C5: variants seen among roughly 807,000 people sequenced by gnomAD.
The protein encoded by C5 is complement C5.
Under a neutral mutation model 218.8 loss-of-function variants are expected in C5, and 140 were observed. The observed-to-expected ratio is 0.64, with a 90% CI of 0.56 to 0.74. C5 has a LOEUF of 0.74. Ranked by LOEUF, C5 falls within the 30% of genes least tolerant of loss-of-function variation. The probability of loss-of-function intolerance (pLI) is 0.00; values close to 1 mark genes in which losing one functional copy is unlikely to be tolerated. For missense variants in C5, 1,700 were observed against 1,969.6 expected (o/e 0.86, Z 2.59); for synonymous variants, 614 against 682.3 (o/e 0.90, Z 1.56).
At chr9:120,984,590 A>G (rs374108037) in intron 25 of C5, among the ~76,000 whole-genome samples, 1 of 152,192 alleles carries the variant, frequency 6.6e-6, no homozygotes, top group East Asian at 1.9e-4. Flanking sequence ...TCTTTGAAAA[A>G]AGGCAATGGC....
At chr9:120,967,953 G>A (rs1483166366) in intron 33 of C5, among the ~76,000 whole-genome samples, 2 of 151,978 alleles carry the variant, frequency 1.3e-5, no homozygotes, top group Non-Finnish European at 2.9e-5. Context: ...GAACTCCTGG[G>A]CTCAAGCAAT....
Position 120,963,748 on chromosome 9 carries a change from A to G in C5, c.4221-10T>C, listed in dbSNP as rs2046845704. 1 of 1,588,186 alleles carries G rather than the reference A, an allele frequency of 6.3e-7. No homozygotes were observed. The highest frequency in any genetic ancestry group is 1.7e-5 in the Admixed American group (1 of 59,920). Reference sequence around the variant, plus strand: ...CCTGCTGGGCTTGTAGCTAAAATAAAAAAGAGGTTAGAAAATATAATAAAT... The same window carrying G: ...CCTGCTGGGCTTGTAGCTAAAATAAGAAAGAGGTTAGAAAATATAATAAAT... On this transcript the variant is annotated splice_polypyrimidine_tract_variant and intron_variant, in intron 33 of 40. Coordinates refer to ENST00000223642, the MANE Select transcript of C5 (RefSeq NM_001735.3).
Position 120,961,546 on chromosome 9 carries a change from A to G in C5, c.4524T>C (p.Phe1508=), listed in dbSNP as rs1361402451. ...YHRPDKQCTM[F]YSTSNIKIQK... is the part of the protein sequence containing the mutation. Reference sequence around the variant, plus strand: ...GAATTTTGATATTGGAAGTGCTATAAAACATGGTACACTGTTTATCTGTGG... The same window carrying G: ...GAATTTTGATATTGGAAGTGCTATAGAACATGGTACACTGTTTATCTGTGG... Residue 1508 remains phenylalanine (F), a synonymous_variant, in exon 37 of 41, where the codon TTT becomes TTC. Coordinates refer to ENST00000223642, the MANE Select transcript of C5 (RefSeq NM_001735.3). 1.2e-6 allele frequency: 2 copies of G among 1,611,820 alleles called. No homozygotes were observed. The highest frequency in any genetic ancestry group is 1.7e-5 in the Admixed American group (1 of 59,982).
At position 120,982,645 on chromosome 9, in the gene C5, GT is replaced by G. The variant is rs758978309; in HGVS notation, c.3390+9del. On this transcript the variant is annotated intron_variant, in intron 26 of 40. Coordinates refer to ENST00000223642, the MANE Select transcript of C5 (RefSeq NM_001735.3). ...AAACTATTGCTAATTTGTGCATTTG[GT>G]TTCCTTACCTGTAATTTTATTGGTT... 2.5e-6 allele frequency: 4 copies of G among 1,591,452 alleles called. No individual in the cohort carries two copies. The highest frequency in any genetic ancestry group is 3.4e-6 in the Non-Finnish European group (4 of 1,160,414).
intron 14 of C5, among the ~76,000 whole-genome samples, chr9:121,017,015 T>C (rs2047312888): frequency 2.0e-5 from 3 of 152,116 alleles, no homozygotes; most frequent in Admixed American, 1.3e-4. Flanking sequence ...TTAAAAAAAA[T>C]CCAAATGTTA....
the C5 span, among the ~76,000 whole-genome samples, chr9:121,068,543 GA>G: frequency 2.0e-5 from 3 of 152,118 alleles, no homozygotes; most frequent in Admixed American, 1.3e-4. Context: ...TTATTAAAAT[GA>G]CCATACTACT....
intron 20 of C5, among the ~76,000 whole-genome samples, chr9:121,004,641 C>T (rs1041944511): frequency 2.0e-5 from 3 of 151,938 alleles, no homozygotes; most frequent in Admixed American, 6.6e-5. Flanking sequence ...AGCATGGTGG[C>T]GTGTACCTGT....
intron 1 of C5, among the ~76,000 whole-genome samples, chr9:121,049,081 C>G (rs1275466015): frequency 1.3e-5 from 2 of 152,146 alleles, no homozygotes; most frequent in Non-Finnish European, 2.9e-5. Context: ...ATCTGCAGTG[C>G]CTATCATATG....
At position 121,023,457 on chromosome 9, in the gene C5, T is replaced by C. The variant is rs776255436; in HGVS notation, c.1063A>G (p.Asn355Asp). The change falls in exon 10 of 41, where the codon AAT becomes GAT. Residue 355 changes from asparagine (N) to aspartate (D), a missense_variant. Transcript: ENST00000223642. ...IKYVLSPYKL[N>D]LVATPLFLKP... ...AGGAAAAGAGGAGTAGCAACCAAATTCAGTTTGTAGGGAGAGAGGACATAT... is the reference window on the plus strand; with the variant it reads ...AGGAAAAGAGGAGTAGCAACCAAATCCAGTTTGTAGGGAGAGAGGACATAT... 32 of 1,613,916 alleles carry C rather than the reference T, an allele frequency of 2.0e-5. No homozygotes were observed. The highest frequency in any genetic ancestry group is 2.5e-5 in the Non-Finnish European group (30 of 1,179,932).
chr9:121,073,426 G>A, the C5 span, among the ~76,000 whole-genome samples: 12,213 of 150,922 alleles, frequency 0.081, 550 homozygotes, highest in Non-Finnish European at 0.11. Flanking sequence ...AAATATCTAA[G>A]ACATATTGAG....
intron 1 of C5, among the ~76,000 whole-genome samples, chr9:121,047,550 C>T (rs1196596452): frequency 1.3e-5 from 2 of 152,148 alleles, no homozygotes; most frequent in Admixed American, 6.6e-5. Context: ...TCGACTAATT[C>T]AAGTGGCCCA....
chr9:121,032,041 C>G (rs2047479603), intron 6 of C5, 72 bp downstream of exon 6: 4 of 880,790 alleles, frequency 4.5e-6, no homozygotes, highest in African/African-American at 3.3e-5. Flanking sequence ...CCAGCCTGGG[C>G]AACAGAGCGA....
intron 30 of C5, 138 bp downstream of exon 30, chr9:120,974,641 G>A (rs2046938713): frequency 1.2e-6 from 1 of 809,948 alleles, no homozygotes; most frequent in African/African-American, 1.7e-5. Context: ...GATATAGCAG[G>A]CATCCCTGTT....
At chr9:121,048,606 G>A (rs772709727) in intron 1 of C5, among the ~76,000 whole-genome samples, 3 of 152,164 alleles carry the variant, frequency 2.0e-5, no homozygotes, top group African/African-American at 7.2e-5. Flanking sequence ...GATGGTAGCC[G>A]TCAAGCAAAA....
In C5 at chr9:121,030,622, A is replaced by G. The variant is rs1483552526; in HGVS notation, c.668-135T>C. ...CAACATCCACTTTATTATCATAATCATCATCGTCATCATCGTCATCACCAA... is the reference window on the plus strand; with the variant it reads ...CAACATCCACTTTATTATCATAATCGTCATCGTCATCATCGTCATCACCAA... On this transcript the variant is annotated intron_variant, in intron 6 of 40. Coordinates refer to ENST00000223642, the MANE Select transcript of C5 (RefSeq NM_001735.3). 6.8e-6 allele frequency: 4 copies of G among 588,228 alleles called. No individual in the cohort carries two copies. The East Asian group carries it at 8.7e-5, about 13-fold the overall frequency. 36.4% of individuals were successfully genotyped at this position (588,228 alleles called of 1,614,324 possible).
chr9:120,974,524 C>G (rs2046937780), intron 30 of C5, among the ~76,000 whole-genome samples: 1 of 152,224 alleles, frequency 6.6e-6, no homozygotes, highest in Non-Finnish European at 1.5e-5. Context: ...CCCCTCTGTA[C>G]TTCCATGTAC....
chr9:120,970,351 T>G, intron 31 of C5, 100 bp from the exon 32 acceptor site: 1 of 781,718 alleles, frequency 1.3e-6, no homozygotes, highest in Non-Finnish European at 2.2e-6. Context: ...GCTCGAAGGA[T>G]CATTTTCATA....
intron 39 of C5, among the ~76,000 whole-genome samples, chr9:120,954,646 T>C (rs569175037): frequency 6.6e-6 from 1 of 152,374 alleles, no homozygotes; most frequent in African/African-American, 2.4e-5. Context: ...TCTTAAGGCA[T>C]GGACTGTGTC....
chr9:121,070,647 C>G, the C5 span, among the ~76,000 whole-genome samples: 10 of 151,812 alleles, frequency 6.6e-5, no homozygotes, highest in South Asian at 1.9e-3. Flanking sequence ...GCCACATGTT[C>G]TCAGTCATAT....
Sources: gnomAD v4.1 joint callset for allele counts (sites outside exome capture counted in the v4.1 genomes callset) on GRCh38, gnomAD v4.1.1 for gene constraint, MANE v1.5 for transcripts, NCBI Gene and HGNC (gene_info 2026-07-23, HGNC 2026-07-21) for gene names.